Variants in BIRC6 observed in about 807,000 individuals in gnomAD.
BIRC6 encodes the protein baculoviral IAP repeat containing 6, also known as dual E2 ubiquitin-conjugating enzyme/E3 ubiquitin-protein ligase BIRC6.
Under a neutral mutation model 503.3 loss-of-function variants are expected in BIRC6, and 98 were observed. The ratio of observed to expected loss-of-function variants is 0.19; its 90% confidence interval spans 0.17 to 0.23. The LOEUF (loss-of-function observed/expected upper bound fraction) is 0.23, where lower values mean the gene tolerates loss of function less well. Among genes scored for constraint, BIRC6 ranks in the 10% least tolerant of loss-of-function variants. The probability of loss-of-function intolerance (pLI) is 1.00; values close to 1 mark genes in which losing one functional copy is unlikely to be tolerated. For synonymous variants in BIRC6, 2,240 were observed against 2,078.7 expected (o/e 1.08, Z -2.11); for missense variants, 5,360 against 5,806.0 (o/e 0.92, Z 2.50).
At chr2:32,534,592 G>A (rs187856383) in intron 61 of BIRC6, among the ~76,000 whole-genome samples, 50 of 151,608 alleles carry the variant, frequency 3.3e-4, no homozygotes, top group Admixed American at 1.1e-3. Flanking sequence ...TTAGCTGGGC[G>A]TGGTGGTGGA....
At chr2:32,395,401 T>A in intron 5 of BIRC6, 110 bp from the exon 6 acceptor site, 1 of 807,804 alleles carries the variant, frequency 1.2e-6, no homozygotes, top group Non-Finnish European at 1.9e-6. Context: ...TTTTCTTATT[T>A]TCAGTATAGA....
In BIRC6 at chr2:32,477,526, G is replaced by GT; in HGVS notation, c.7014dup (p.Leu2339SerfsTer18). ...TCTCAGTAGTCCAGAAACTTGTTCT[G>GT]TTTCTTCTCTCCATGGACTTTACAT... On this transcript the variant is annotated frameshift_variant, in exon 35 of 74. Transcript: ENST00000421745. LOFTEE classifies it high-confidence loss of function. 1 of 1,613,848 alleles carries GT rather than the reference G, an allele frequency of 6.2e-7. No homozygotes were observed. Among genetic ancestry groups the GT allele is most frequent in the Admixed American group, 1.7e-5 (1 of 60,000 alleles).
chr2:32,443,069 A>G (rs1292334529), intron 19 of BIRC6, among the ~76,000 whole-genome samples: 2 of 152,228 alleles, frequency 1.3e-5, no homozygotes, highest in Non-Finnish European at 2.9e-5. Context: ...AGTTATAATA[A>G]TATACTATGA....
chr2:32,451,298 G>A (rs374588525), intron 22 of BIRC6, among the ~76,000 whole-genome samples: 21 of 152,076 alleles, frequency 1.4e-4, no homozygotes, highest in African/African-American at 4.6e-4. Flanking sequence ...TCATTGCCCC[G>A]TTTAGTCTTT....
At chr2:32,568,933 A>C (rs1163510295) in intron 65 of BIRC6, among the ~76,000 whole-genome samples, 1 of 149,980 alleles carries the variant, frequency 6.7e-6, no homozygotes, top group Non-Finnish European at 1.5e-5. Flanking sequence ...CATTGTACCC[A>C]GTAGATATTT....
chr2:32,579,703 A>G (rs2060535067), intron 66 of BIRC6, among the ~76,000 whole-genome samples: 1 of 152,096 alleles, frequency 6.6e-6, no homozygotes, highest in Non-Finnish European at 1.5e-5. Context: ...TGTAAGAACA[A>G]AAATAAAGAA....
chr2:32,587,050 G>A (rs2061079061), intron 66 of BIRC6, among the ~76,000 whole-genome samples: 1 of 152,198 alleles, frequency 6.6e-6, no homozygotes. Context: ...AAAAATCAGA[G>A]CATGGAGCTT....
At chr2:32,421,421 G>A (rs912109947) in intron 10 of BIRC6, among the ~76,000 whole-genome samples, 1 of 152,116 alleles carries the variant, frequency 6.6e-6, no homozygotes, top group Non-Finnish European at 1.5e-5. Flanking sequence ...GTTTCTTAAA[G>A]TAGAAGCTTA....
intron 10 of BIRC6, among the ~76,000 whole-genome samples, chr2:32,428,040 G>C (rs1291554348): frequency 1.3e-5 from 2 of 152,102 alleles, no homozygotes; most frequent in Non-Finnish European, 2.9e-5. Context: ...TTCTTTTGGG[G>C]CAGCAGAGCT....
intron 59 of BIRC6, chr2:32,527,828 T>C (rs1213195506): frequency 1.3e-5 from 2 of 152,128 alleles, no homozygotes; most frequent in Non-Finnish European, 1.5e-5. Flanking sequence ...GTCGAAATGG[T>C]TTTGAATCAG....
intron 71 of BIRC6, among the ~76,000 whole-genome samples, chr2:32,607,128 TAAAA>T (rs1203803729): frequency 6.6e-6 from 1 of 151,782 alleles, no homozygotes; most frequent in Non-Finnish European, 1.5e-5. Context: ...TAAACTAAAC[TAAAA>T]AAACGAAATT....
At chr2:32,544,922 ATAG>A (rs929451798) in intron 62 of BIRC6, among the ~76,000 whole-genome samples, 29 of 152,104 alleles carry the variant, frequency 1.9e-4, no homozygotes, top group African/African-American at 3.9e-4. Context: ...TTATTGATAC[ATAG>A]TAGTTGTACA....
rs1448733090 is a variant in BIRC6 at position 32,499,812 on chromosome 2, G to A, written c.8734G>A (p.Glu2912Lys). ...RPGDAKAVCG[E>K]MTRDQLMFDL... ...GGGTGATGCAAAAGCAGTTTGTGGC[G>A]AAATGACAAGAGATCAACTCATGTT... The change falls in exon 46 of 74, where the codon GAA becomes AAA. Residue 2912 changes from glutamate to lysine, a missense_variant. Physicochemically the swap from Glu to Lys is moderately conservative, Grantham distance 56 (BLOSUM62 1). This residue lies in a region of BIRC6 where 2,299 missense variants were observed against 2,267.2 expected (regional missense o/e 1.01). Coordinates refer to ENST00000421745, the MANE Select transcript of BIRC6 (RefSeq NM_016252.4). 6.8e-6 allele frequency: 11 copies of A among 1,613,996 alleles called. No individual in the cohort carries two copies. Among genetic ancestry groups the A allele is most frequent in the Non-Finnish European group, 8.5e-6 (10 of 1,179,880 alleles).
intron 10 of BIRC6, among the ~76,000 whole-genome samples, chr2:32,420,990 TC>T (rs1255481076): frequency 1.9e-4 from 29 of 151,994 alleles, no homozygotes; most frequent in African/African-American, 6.5e-4. Context: ...GACATTTTTT[TC>T]TTTGTTATTT....
At chr2:32,444,277 C>G (rs910157113) in intron 20 of BIRC6, among the ~76,000 whole-genome samples, 1 of 151,996 alleles carries the variant, frequency 6.6e-6, no homozygotes, top group Admixed American at 6.6e-5. Flanking sequence ...TTAAAGTGTT[C>G]CCAATGCAGA....
At chr2:32,617,278 G>T (rs1407719692) in intron 73 of BIRC6, among the ~76,000 whole-genome samples, 2 of 152,068 alleles carry the variant, frequency 1.3e-5, no homozygotes, top group Non-Finnish European at 2.9e-5. Flanking sequence ...GCGCCCACCT[G>T]TACTCCCAGC....
At position 32,529,789 on chromosome 2, in the gene BIRC6, A is replaced by G. The variant is rs1202767505; in HGVS notation, c.12059A>G (p.Lys4020Arg). 1 of 1,612,292 alleles carries G rather than the reference A, an allele frequency of 6.2e-7. No homozygotes were observed. The highest frequency in any genetic ancestry group is 8.5e-7 in the Non-Finnish European group (1 of 1,179,200). The change falls in exon 60 of 74, where the codon AAA becomes AGA. Residue 4020 changes from lysine to arginine, a missense_variant. Around this residue, in one of 16 missense-constraint regions of BIRC6, gnomAD observed 878 missense variants for 928.9 expected, o/e 0.95. Coordinates refer to ENST00000421745, the MANE Select transcript of BIRC6 (RefSeq NM_016252.4). ...GTTATAACAGACCCCAGTCTATCAA[A>G]AACAGATTCTTATAAAAGACTACAC... ...SRVITDPSLS[K>R]TDSYKRLHPE...
At chr2:32,424,984 G>T (rs2043324346) in intron 10 of BIRC6, among the ~76,000 whole-genome samples, 1 of 152,002 alleles carries the variant, frequency 6.6e-6, no homozygotes, top group African/African-American at 2.4e-5. Flanking sequence ...TGTGGTTTTG[G>T]TTTGCACTTT....
chr2:32,388,895 C>G lies in BIRC6; in HGVS notation c.791C>G (p.Pro264Arg). Residue 264 changes from proline (P) to arginine (R), a missense_variant, in exon 4 of 74, where the codon CCT becomes CGT. This residue lies in a region of BIRC6 where 134 missense variants were observed against 150.9 expected (regional missense o/e 0.89). Transcript: ENST00000421745. ...SVMDRLSYLL[P>R]SARPELGVGP... ...ATGGACAGATTGTCTTACCTCTTAC[C>G]TAGTGCACGTCCAGAACTCGGAGTG... 2 of 1,610,010 alleles carry G rather than the reference C, an allele frequency of 1.2e-6. No individual in the cohort carries two copies. The highest frequency in any genetic ancestry group is 1.7e-6 in the Non-Finnish European group (2 of 1,178,632).
Sources: gnomAD v4.1 joint callset for allele counts (sites outside exome capture counted in the v4.1 genomes callset) on GRCh38, gnomAD v4.1.1 for gene constraint, gnomAD v4.1.1 regional missense constraint, MANE v1.5 for transcripts, NCBI Gene and HGNC (gene_info 2026-07-23, HGNC 2026-07-21) for gene names.